Variants in USP20 observed in about 807,000 individuals in gnomAD.
USP20 encodes ubiquitin carboxyl-terminal hydrolase 20.
A neutral mutation model predicts 124.2 loss-of-function variants in USP20; 80 were observed. The ratio of observed to expected loss-of-function variants is 0.64; its 90% CI spans 0.54 to 0.78. The LOEUF is 0.78. Ranked by LOEUF, USP20 falls within the 30% of genes least tolerant of loss-of-function variation. The pLI is 0.00. For synonymous variants in USP20, 481 were observed against 512.3 expected, an observed-to-expected ratio of 0.94 and a Z score of 0.83; for missense variants, 1,043 against 1,244.4, an observed-to-expected ratio of 0.84 and a Z score of 2.44.
At chr9:129,872,123 T>C (rs1183557171) in intron 15 of USP20, among the ~76,000 whole-genome samples, 1 of 152,142 alleles carries the variant, frequency 6.6e-6, no homozygotes, top group Non-Finnish European at 1.5e-5. Flanking sequence ...GTGAGTCTTT[T>C]GCCTATTTTG....
At position 129,878,366 on chromosome 9, in the gene USP20, C is replaced by A; in HGVS notation, c.2438C>A (p.Ser813Ter). 6.2e-7 allele frequency: 1 copy of A among 1,603,930 alleles called. No individual in the cohort carries two copies. The highest frequency in any genetic ancestry group is 1.1e-5 in the South Asian group (1 of 89,162). The change falls in exon 23 of 26, where the codon TCG becomes TAG. Residue 813 changes from serine to a stop codon, truncating the protein, a stop_gained. Coordinates refer to ENST00000372429, the MANE Select transcript of USP20 (RefSeq NM_001110303.4). LOFTEE classifies it high-confidence loss of function. ...AACAAGGCCTTCCAGGCCGAGGAGT[C>A]GCCGGGCGTCATCTACTGCATCAGC... is the stretch of plus-strand genomic sequence containing the variant. ...KLNKAFQAEE[S>*]PGVIYCISMQ...
intron 2 of USP20, among the ~76,000 whole-genome samples, chr9:129,850,668 G>A (rs1332610773): frequency 6.6e-6 from 1 of 151,980 alleles, no homozygotes; most frequent in Non-Finnish European, 1.5e-5. Flanking sequence ...GTGTGTGTGT[G>A]TTTTGGGATG....
chr9:129,857,844 C>T lies in USP20; in HGVS notation c.136-206C>T, dbSNP rs533677511. ...GCTCGTCTCACTCAGAGGGCAGGGACGCTGTTTACTGTCCATCACTGCCCA... is the reference window on the plus strand; with the variant it reads ...GCTCGTCTCACTCAGAGGGCAGGGATGCTGTTTACTGTCCATCACTGCCCA... On this transcript the variant is annotated intron_variant, in intron 4 of 25. Transcript: ENST00000372429. Among the ~76,000 whole-genome samples, 26 of 152,296 alleles carry T rather than the reference C, an allele frequency of 1.7e-4. 1 individual carries two copies. The highest frequency in any genetic ancestry group is 4.1e-4 in the South Asian group (2 of 4,826).
At chr9:129,858,360 C>A in intron 5 of USP20, 107 bp from the exon 6 acceptor site, 1 of 1,531,708 alleles carries the variant, frequency 6.5e-7, no homozygotes, top group Non-Finnish European at 9.0e-7. Context: ...GGCCTCTGTC[C>A]TGACAGGGCC....
rs771784545 is a variant in USP20, at chr9:129,868,065, G to C, written c.751G>C (p.Val251Leu). ...GCTGCACGAGGAGCTCAAGGAGCCG[G>C]TGGTGGCCACGGTGGCGCTGACGGA... ...DQLHEELKEP[V>L]VATVALTEAR... Residue 251 changes from valine (V) to leucine (L), a missense_variant, in exon 11 of 26, where the codon GTG becomes CTG. Coordinates refer to ENST00000372429, the MANE Select transcript of USP20 (RefSeq NM_001110303.4). 2.5e-6 allele frequency: 4 copies of C among 1,614,144 alleles called. No individual in the cohort carries two copies. The highest frequency in any genetic ancestry group is 1.7e-6 in the Non-Finnish European group (2 of 1,180,014).
At chr9:129,870,231 C>G in intron 14 of USP20, 1 of 587,598 alleles carries the variant, frequency 1.7e-6, no homozygotes, top group Non-Finnish European at 3.0e-6. Context: ...GGCCGCAACA[C>G]AGATGAAGGA....
At chr9:129,858,208 G>A in intron 5 of USP20, 96 bp downstream of exon 5, 2 of 1,352,836 alleles carry the variant, frequency 1.5e-6, no homozygotes, top group South Asian at 2.4e-5. Flanking sequence ...AATGGCTGGG[G>A]CAATAAATGG....
intron 6 of USP20, among the ~76,000 whole-genome samples, chr9:129,859,432 C>A (rs545162073): frequency 6.6e-6 from 1 of 150,712 alleles, no homozygotes; most frequent in Non-Finnish European, 1.5e-5. Flanking sequence ...CACGACCATG[C>A]CTGGCTAATT....
chr9:129,867,965 G>A, intron 10 of USP20, 40 bp from the exon 11 acceptor site: 1 of 1,577,226 alleles, frequency 6.3e-7, no homozygotes, highest in Non-Finnish European at 8.6e-7. Flanking sequence ...GGTTCCTCCT[G>A]CCTCCAGGGG....
chr9:129,850,525 T>A (rs2032853982), intron 2 of USP20, among the ~76,000 whole-genome samples: 1 of 152,158 alleles, frequency 6.6e-6, no homozygotes, highest in Non-Finnish European at 1.5e-5. Flanking sequence ...ACGTTCTGAA[T>A]GAGAATCTGG....
At chr9:129,858,155 C>T (rs1252875016) in intron 5 of USP20, 43 bp downstream of exon 5, 1 of 1,600,638 alleles carries the variant, frequency 6.2e-7, no homozygotes, top group Non-Finnish European at 8.5e-7. Flanking sequence ...AGTTAGATGG[C>T]CTGGGGTTCA....
Position 129,879,750 on chromosome 9 carries a change from T to C in USP20, c.2584+106T>C, listed in dbSNP as rs2034562548. 5.2e-6 allele frequency: 7 copies of C among 1,335,140 alleles called. No individual in the cohort carries two copies. The Admixed American group carries it at 7.6e-5, about 15-fold the overall frequency. 82.7% of individuals were successfully genotyped at this position (1,335,140 alleles called of 1,614,324 possible). On this transcript the variant is annotated intron_variant, in intron 24 of 25. Coordinates refer to ENST00000372429, the MANE Select transcript of USP20 (RefSeq NM_001110303.4). The surrounding 1 kb of genome is among the most constrained non-coding windows in gnomAD (Gnocchi z 4.2). ...AGCCCCCTTACCACCTGTCTTAGAG[T>C]CAGGCTGAGACGTCCACCTGAGTCC... is the stretch of plus-strand genomic sequence containing the variant.
At chr9:129,878,026 C>T (rs998950915) in intron 22 of USP20, among the ~76,000 whole-genome samples, 2 of 151,444 alleles carry the variant, frequency 1.3e-5, no homozygotes, top group Non-Finnish European at 2.9e-5. Flanking sequence ...AAGCCGAGAT[C>T]GCGCCACTGC....
chr9:129,872,154 G>T (rs1206516343), intron 15 of USP20, among the ~76,000 whole-genome samples: 3 of 151,414 alleles, frequency 2.0e-5, no homozygotes, highest in Admixed American at 6.6e-5. Context: ...CTTGTTATAG[G>T]GATTCTTTTT....
Position 129,875,316 on chromosome 9 carries a change from C to A in USP20, c.2055C>A (p.Ser685Arg). 6.2e-7 allele frequency: 1 copy of A among 1,605,914 alleles called. No homozygotes were observed. The change falls in exon 20 of 26, where the codon AGC becomes AGA. Residue 685 changes from serine to arginine, a missense_variant. Coordinates refer to ENST00000372429, the MANE Select transcript of USP20 (RefSeq NM_001110303.4). Reference sequence around the variant, plus strand: ...CCCCCTCCTCACCCCACAGGAAGAGCAGCGAGGAGGCCATGCGGGAGCGAC... The same window carrying A: ...CCCCCTCCTCACCCCACAGGAAGAGAAGCGAGGAGGCCATGCGGGAGCGAC... ...AEGYVLFYRK[S>R]SEEAMRERQQ...
In USP20 at chr9:129,870,441, T is replaced by C. The variant is rs777782380; in HGVS notation, c.1566-12T>C. On this transcript the variant is annotated splice_polypyrimidine_tract_variant and intron_variant, in intron 14 of 25. Coordinates refer to ENST00000372429, the MANE Select transcript of USP20 (RefSeq NM_001110303.4). ...CCCTGGCAGCACCCCTGCACTCCTT[T>C]TCTGTCTGTAGGTTTGTGGTATCCT... 1 of 1,613,706 alleles carries C rather than the reference T, an allele frequency of 6.2e-7. No homozygotes were observed. The highest frequency in any genetic ancestry group is 8.5e-7 in the Non-Finnish European group (1 of 1,179,702).
intron 1 of USP20, among the ~76,000 whole-genome samples, chr9:129,845,175 C>T (rs528263036): frequency 1.3e-5 from 2 of 152,258 alleles, no homozygotes; most frequent in East Asian, 3.9e-4. Context: ...TTGGGGACTT[C>T]TGGGACCACT....
At chr9:129,869,510 C>G in intron 13 of USP20, 85 bp downstream of exon 13, 1 of 1,538,128 alleles carries the variant, frequency 6.5e-7, no homozygotes, top group Non-Finnish European at 9.0e-7. Context: ...AGGGTGGGCT[C>G]TCCACGGGTG....
At chr9:129,871,611 G>T (rs186241396) in intron 15 of USP20, among the ~76,000 whole-genome samples, 24 of 152,294 alleles carry the variant, frequency 1.6e-4, no homozygotes, top group African/African-American at 5.5e-4. Flanking sequence ...ACGCACAAGA[G>T]TTCCAGTTTC....
Sources: gnomAD v4.1 joint callset for allele counts (sites outside exome capture counted in the v4.1 genomes callset) on GRCh38, gnomAD v4.1.1 for gene constraint, Gnocchi (gnomAD v3.1) non-coding constraint, MANE v1.5 for transcripts, NCBI Gene and HGNC (gene_info 2026-07-23, HGNC 2026-07-21) for gene names.